Variants in FRMD1 observed in about 807,000 individuals in gnomAD.
The protein encoded by FRMD1 is FERM domain-containing protein 1.
FRMD1 carries 51 observed loss-of-function variants against 54.9 expected under a neutral mutation model. The ratio of observed to expected loss-of-function variants is 0.93; its 90% CI spans 0.74 to 1.17. The LOEUF is 1.17. FRMD1 is among the 50% of genes most tolerant of loss of function. The pLI, the probability that FRMD1 is intolerant of heterozygous loss-of-function variation, is 0.00. For missense variants in FRMD1, 729 were observed against 743.0 expected, an observed-to-expected ratio of 0.98 and a Z score of 0.22; for synonymous variants, 324 against 306.4, an observed-to-expected ratio of 1.06 and a Z score of -0.60.
chr6:168,088,074 C>T lies in FRMD1; in HGVS notation c.-11-9050G>A, dbSNP rs752896. Among the ~76,000 whole-genome samples the T allele has an allele frequency of 5.0e-3, 766 of 152,320 alleles. 6 individuals are homozygous for T. The highest frequency in any genetic ancestry group is 0.017 in the African/African-American group (722 of 41,568). On this transcript the variant is annotated intron_variant, in intron 1 of 12. Coordinates refer to the FRMD1 transcript ENST00000644440. ...TCTCCCTCTGGTTCCGAGTCTCCCC[C>T]GCAGGCCCTCACCCCACAACAAGCT... is the stretch of plus-strand genomic sequence containing the variant.
chr6:168,059,112 G>A lies in FRMD1; in HGVS notation c.1407+12C>T, dbSNP rs2269680. On this transcript the variant is annotated intron_variant, in intron 10 of 10. Transcript: ENST00000283309. The surrounding 1 kb of genome is among the most constrained non-coding windows in gnomAD (Gnocchi z 4.4). ...CAGGGCCAGGGCTTCTGGCCCGTGG[G>A]GGGGACTCTACCTGGTGCACGGCCT... 0.48 allele frequency: 748,651 copies of A among 1,551,828 alleles called. 185,104 individuals carry two copies. The highest frequency in any genetic ancestry group is 0.57 in the South Asian group (48,172 of 85,204).
intron 3 of FRMD1, 194 bp from the exon 4 acceptor site, chr6:168,067,025 A>G (rs1413828203): frequency 2.5e-6 from 2 of 793,094 alleles, no homozygotes; most frequent in Non-Finnish European, 4.2e-6. Context: ...CGTGGTCTAC[A>G]GCGTTCAAGA....
intron 7 of FRMD1, chr6:168,062,559 G>A (rs1799805939): frequency 1.1e-5 from 12 of 1,124,096 alleles, no homozygotes; most frequent in East Asian, 2.6e-5. Flanking sequence ...CCGAGAGGCC[G>A]GCAGGAAGGG....
intron 1 of FRMD1, among the ~76,000 whole-genome samples, chr6:168,088,633 A>G (rs12526245): frequency 0.39 from 58,822 of 151,938 alleles, 12,151 homozygotes; most frequent in African/African-American, 0.54. Flanking sequence ...AGGCTCAGGC[A>G]GGGTCAGCTG....
At chr6:168,080,610 A>T (rs1800801473), upstream of FRMD1, among the ~76,000 whole-genome samples, 1 of 152,298 alleles carries the variant, frequency 6.6e-6, no homozygotes, top group African/African-American at 2.4e-5. Flanking sequence ...TGCACCTCTC[A>T]GGATGCCTGG....
At chr6:168,080,573 C>T (rs150494349), upstream of FRMD1, among the ~76,000 whole-genome samples, 433 of 152,292 alleles carry the variant, frequency 2.8e-3, 3 homozygotes, top group African/African-American at 8.0e-3. Context: ...GTCACAGTGC[C>T]GGCGTATCAG....
intron 1 of FRMD1, among the ~76,000 whole-genome samples, chr6:168,090,998 C>T (rs980305534): frequency 1.3e-5 from 2 of 152,204 alleles, no homozygotes; most frequent in Non-Finnish European, 2.9e-5. Flanking sequence ...GCCACCCAAG[C>T]GGACTCCCGG....
intron 5 of FRMD1, 86 bp from the exon 6 acceptor site, chr6:168,063,842 A>G: frequency 6.9e-7 from 1 of 1,441,406 alleles, no homozygotes; most frequent in South Asian, 1.5e-5. Flanking sequence ...AAGCTTCCCC[A>G]GACTCCCACA....
At chr6:168,069,767 T>C (rs1194898433) in intron 2 of FRMD1, among the ~76,000 whole-genome samples, 1 of 152,188 alleles carries the variant, frequency 6.6e-6, no homozygotes, top group African/African-American at 2.4e-5. Context: ...AAACCACTTG[T>C]TTCTCAAAAT....
chr6:168,056,064 C>T lies in FRMD1; in HGVS notation c.*1033G>A, dbSNP rs374705691. 2.0e-5 allele frequency: 3 copies of T among 152,346 alleles called. No homozygotes were observed. Among genetic ancestry groups the T allele is most frequent in the African/African-American group, 7.2e-5 (3 of 41,446 alleles). 9.4% of individuals were successfully genotyped at this position (152,346 alleles called of 1,614,324 possible). ...GCTGAACGATTGTGGCCTCTCAGTG[C>T]TCTGGGATGGGCCTGAGACTAGCAG... On this transcript the variant is annotated 3_prime_UTR_variant, in exon 11 of 11. Coordinates refer to ENST00000283309, the MANE Select transcript of FRMD1 (RefSeq NM_024919.6).
intron 4 of FRMD1, chr6:168,066,200 G>A (rs966230717): frequency 3.2e-5 from 32 of 987,500 alleles, no homozygotes; most frequent in Non-Finnish European, 3.8e-5. Context: ...CCTGGCATTT[G>A]AGGAAGTACC....
At chr6:168,066,906 G>A (rs1025154922) in intron 3 of FRMD1, 75 bp from the exon 4 acceptor site, 232 of 1,575,174 alleles carry the variant, frequency 1.5e-4, no homozygotes, top group Middle Eastern at 5.1e-4. Flanking sequence ...TCCCAGTTGG[G>A]GGGGCCTGGA....
At chr6:168,058,706 G>T (rs922926896) in intron 10 of FRMD1, among the ~76,000 whole-genome samples, 1 of 152,182 alleles carries the variant, frequency 6.6e-6, no homozygotes, top group Non-Finnish European at 1.5e-5. Flanking sequence ...TACAGGAAGT[G>T]GGGGAAGCCT....
At chr6:168,067,930 T>A (rs1800126285) in intron 2 of FRMD1, among the ~76,000 whole-genome samples, 1 of 144,220 alleles carries the variant, frequency 6.9e-6, no homozygotes, top group Non-Finnish European at 1.5e-5. Context: ...GACAACATAA[T>A]GAGACCTTGT....
At chr6:168,063,053 C>T in intron 6 of FRMD1, 94 bp from the exon 7 acceptor site, 1 of 1,018,400 alleles carries the variant, frequency 9.8e-7, no homozygotes, top group Non-Finnish European at 1.6e-6. Context: ...GGGCCGAGGG[C>T]TCCATGGACC....
At chr6:168,063,210 G>A (rs921447807) in intron 6 of FRMD1, among the ~76,000 whole-genome samples, 14 of 152,146 alleles carry the variant, frequency 9.2e-5, no homozygotes, top group African/African-American at 2.2e-4. Flanking sequence ...TGCCGGGCCC[G>A]GGGTCCTGGT....
In FRMD1 at chr6:168,056,526, A is replaced by T. The variant is rs1473462969; in HGVS notation, c.*571T>A. The T allele has an allele frequency of 6.6e-6, 1 of 152,308 alleles. No homozygotes were observed. The highest frequency in any genetic ancestry group is 6.5e-5 in the Admixed American group (1 of 15,282). 9.4% of individuals were successfully genotyped at this position (152,308 alleles called of 1,614,324 possible). On this transcript the variant is annotated 3_prime_UTR_variant, in exon 11 of 11. Coordinates refer to ENST00000283309, the MANE Select transcript of FRMD1 (RefSeq NM_024919.6). ...TCTCTGGCTGGATCTCAGGTGACAG[A>T]GCTGGGCTTGCACCACAAGAGGGGC...
At chr6:168,069,641 C>T (rs1800201520) in intron 2 of FRMD1, among the ~76,000 whole-genome samples, 1 of 152,128 alleles carries the variant, frequency 6.6e-6, no homozygotes, top group Admixed American at 6.5e-5. Flanking sequence ...TTACCAACTC[C>T]ATCTCAAATC....
At chr6:168,073,195 A>G (rs1329160516) in intron 2 of FRMD1, among the ~76,000 whole-genome samples, 1 of 123,928 alleles carries the variant, frequency 8.1e-6, no homozygotes, top group Non-Finnish European at 1.7e-5. Flanking sequence ...CCCCACCCCC[A>G]GTCACCCCCC....
Sources: gnomAD v4.1 joint callset for allele counts (sites outside exome capture counted in the v4.1 genomes callset) on GRCh38, gnomAD v4.1.1 for gene constraint, Gnocchi (gnomAD v3.1) non-coding constraint, MANE v1.5 for transcripts, NCBI Gene and HGNC (gene_info 2026-07-23, HGNC 2026-07-21) for gene names.